ZGRF1: variants seen among roughly 807,000 people sequenced by gnomAD.
ZGRF1 encodes zinc finger GRF-type containing 1.
In ZGRF1, 196 loss-of-function variants were observed where a neutral mutation model predicts 203.5. That is an observed-to-expected ratio of 0.96 (90% CI 0.86 to 1.08). The LOEUF (loss-of-function observed/expected upper bound fraction) is 1.08. ZGRF1 is among the 50% of genes least tolerant of loss of function. The pLI is 0.00. For missense variants in ZGRF1, 2,326 were observed against 2,416.3 expected (o/e 0.96, Z 0.78); for synonymous variants, 809 against 841.3 (o/e 0.96, Z 0.66).
intron 10 of ZGRF1, among the ~76,000 whole-genome samples, chr4:112,596,950 A>G (rs955781411): frequency 2.6e-5 from 4 of 151,988 alleles, no homozygotes; most frequent in Admixed American, 2.6e-4. Flanking sequence ...ACAGCAGTTC[A>G]TGCCTGTAAT....
rs1302296890 is a variant in ZGRF1 at position 112,603,640 on chromosome 4, T to C, written c.2860A>G (p.Arg954Gly). The change falls in exon 10 of 28, where the codon AGA becomes GGA. Residue 954 changes from arginine to glycine, a missense_variant. Arg to Gly is a moderately radical substitution (Grantham distance 125, BLOSUM62 -2). Transcript: ENST00000505019. ...KGSATSGVMV[R>G]GHSSQLGCSQ... ...CATCCTAGCTGTGAGCTGTGTCCTC[T>C]GACCATTACACCACTAGTAGCTGAT... 2 of 1,614,086 alleles carry C rather than the reference T, an allele frequency of 1.2e-6. No individual in the cohort carries two copies.
intron 20 of ZGRF1, among the ~76,000 whole-genome samples, chr4:112,557,140 T>G (rs1186865006): frequency 6.6e-6 from 1 of 152,022 alleles, no homozygotes; most frequent in Non-Finnish European, 1.5e-5. Context: ...CTATAACTAC[T>G]GATTCTGGAA....
rs376609063 is a variant in ZGRF1 at position 112,592,514 on chromosome 4, C to T, written c.2977-2640G>A. Reference sequence around the variant, plus strand: ...AATGAAATGGACATATTTCTGTCCTCATTTTATTGGATGTCTCAATAATAA... The same window carrying T: ...AATGAAATGGACATATTTCTGTCCTTATTTTATTGGATGTCTCAATAATAA... On this transcript the variant is annotated intron_variant, in intron 10 of 27. Coordinates refer to ENST00000505019, the MANE Select transcript of ZGRF1 (RefSeq NM_018392.5). Among the ~76,000 whole-genome samples the T allele has an allele frequency of 2.1e-3, 314 of 152,324 alleles. 2 individuals carry two copies. The highest frequency in any genetic ancestry group is 0.02 in the South Asian group (95 of 4,832).
At chr4:112,557,132 A>G (rs1741081626) in intron 20 of ZGRF1, among the ~76,000 whole-genome samples, 1 of 152,044 alleles carries the variant, frequency 6.6e-6, no homozygotes, top group Non-Finnish European at 1.5e-5. Flanking sequence ...AGACTAATCT[A>G]TAACTACTGA....
chr4:112,592,717 A>G (rs1748385603), intron 10 of ZGRF1, among the ~76,000 whole-genome samples: 1 of 152,136 alleles, frequency 6.6e-6, no homozygotes, highest in Non-Finnish European at 1.5e-5. Context: ...TAGCATCTCT[A>G]TTTGATGGTT....
Position 112,560,831 on chromosome 4 carries a change from G to A in ZGRF1, c.4862C>T (p.Thr1621Ile), listed in dbSNP as rs1288822945. ...CATTTGAGCTATTTGAATTAGAGCTGTAGCTTGATCCTTGTTTAACTTGTG... is the reference window on the plus strand; with the variant it reads ...CATTTGAGCTATTTGAATTAGAGCTATAGCTTGATCCTTGTTTAACTTGTG... ...QVHKLNKDQATALIQIAQMMA... is the reference protein window; with the variant it reads ...QVHKLNKDQAIALIQIAQMMA... The change falls in exon 19 of 28, where the codon ACA (threonine) becomes ATA (isoleucine). Residue 1621 changes from threonine (T) to isoleucine (I), a missense_variant. Coordinates refer to ENST00000505019, the MANE Select transcript of ZGRF1 (RefSeq NM_018392.5). 3 of 1,613,486 alleles carry A rather than the reference G, an allele frequency of 1.9e-6. No homozygotes were observed. Among genetic ancestry groups the A allele is most frequent in the Non-Finnish European group, 2.5e-6 (3 of 1,179,620 alleles).
intron 23 of ZGRF1, among the ~76,000 whole-genome samples, chr4:112,547,661 T>C (rs1399658837): frequency 6.6e-6 from 1 of 152,206 alleles, no homozygotes; most frequent in Non-Finnish European, 1.5e-5. Context: ...CTGCATGGAA[T>C]TAATATTTCA....
intron 1 of ZGRF1, among the ~76,000 whole-genome samples, chr4:112,634,248 G>A (rs1237514478): frequency 6.6e-6 from 1 of 152,166 alleles, no homozygotes; most frequent in Non-Finnish European, 1.5e-5. Context: ...AATAAGGCAG[G>A]AATAAGCACA....
chr4:112,567,146 T>C (rs1430543399), intron 16 of ZGRF1, among the ~76,000 whole-genome samples: 1 of 152,150 alleles, frequency 6.6e-6, no homozygotes, highest in Non-Finnish European at 1.5e-5. Context: ...ACTTTAGGGA[T>C]TGTTCTGCAG....
In ZGRF1 at chr4:112,628,509, T is replaced by C. The variant is rs151072738; in HGVS notation, c.102+3421A>G. On this transcript the variant is annotated intron_variant, in intron 3 of 27. Transcript: ENST00000505019. ...CTTATTCAGTGGAAGATGAATAACT[T>C]TGACAGAATTTAGATAGAGAAAAGG... is the stretch of plus-strand genomic sequence containing the variant. 2.0e-3 allele frequency: 912 copies of C among 446,292 alleles called. 3 individuals are homozygous for C. The highest frequency in any genetic ancestry group is 4.1e-3 in the Admixed American group (167 of 40,866). 27.6% of individuals were successfully genotyped at this position (446,292 alleles called of 1,614,324 possible). A position where few individuals can be genotyped will look rare whatever the true frequency, so the allele number is the denominator to read the frequency against.
At chr4:112,557,979 G>A (rs6533627) in intron 20 of ZGRF1, among the ~76,000 whole-genome samples, 171 bp downstream of exon 20, 114,524 of 152,144 alleles carry the variant, frequency 0.75, 44,125 homozygotes, top group East Asian at 0.95. Flanking sequence ...CTACTTACAA[G>A]CTAATTAGCC....
chr4:112,555,762 T>C (rs1403742324), intron 20 of ZGRF1, among the ~76,000 whole-genome samples: 2 of 152,142 alleles, frequency 1.3e-5, no homozygotes, highest in Non-Finnish European at 2.9e-5. Context: ...GTTATTTCAG[T>C]GTGAAGAAAT....
At chr4:112,627,910 T>C (rs1455991301) in intron 3 of ZGRF1, among the ~76,000 whole-genome samples, 1 of 152,226 alleles carries the variant, frequency 6.6e-6, no homozygotes, top group Non-Finnish European at 1.5e-5. Flanking sequence ...TTCAGCTATA[T>C]TTAAATGCTT....
chr4:112,571,743 T>C (rs970088772), intron 16 of ZGRF1, among the ~76,000 whole-genome samples: 1 of 152,104 alleles, frequency 6.6e-6, no homozygotes, highest in African/African-American at 2.4e-5. Flanking sequence ...ACAATTCCAA[T>C]TAAGATCCCA....
chr4:112,616,314 G>C (rs1000242687), intron 6 of ZGRF1, among the ~76,000 whole-genome samples: 2 of 151,414 alleles, frequency 1.3e-5, no homozygotes, highest in Non-Finnish European at 2.9e-5. Flanking sequence ...GAGGTCAAGA[G>C]TTCAAGACCA....
chr4:112,557,648 G>A (rs536521141), intron 20 of ZGRF1, among the ~76,000 whole-genome samples: 2 of 152,312 alleles, frequency 1.3e-5, no homozygotes, highest in South Asian at 2.1e-4. Context: ...TGCACATGCC[G>A]TGGGTTGAGG....
intron 22 of ZGRF1, among the ~76,000 whole-genome samples, chr4:112,551,542 A>G (rs763234837): frequency 9.2e-5 from 14 of 152,200 alleles, no homozygotes; most frequent in Non-Finnish European, 1.6e-4. Flanking sequence ...AATAATAAAT[A>G]ATATTCACCA....
chr4:112,577,090 C>T lies in ZGRF1; in HGVS notation c.4438+4573G>A, dbSNP rs1432944650. Among the ~76,000 whole-genome samples, 3 of 125,700 alleles carry T rather than the reference C, an allele frequency of 2.4e-5. 1 individual carries two copies. Among genetic ancestry groups the T allele is most frequent in the Admixed American group, 8.9e-5 (1 of 11,272 alleles). 82.5% of individuals were successfully genotyped at this position (125,700 alleles called of 152,430 possible). On this transcript the variant is annotated intron_variant, in intron 16 of 27. Transcript: ENST00000505019. ...CTAACAGCTGATCTCTCAGCAGAAA[C>T]TGTACAAGCCAGAAGAAAGTGGGGG...
At chr4:112,550,093 G>A (rs1362955142) in intron 22 of ZGRF1, among the ~76,000 whole-genome samples, 1 of 152,104 alleles carries the variant, frequency 6.6e-6, no homozygotes, top group Admixed American at 6.5e-5. Flanking sequence ...TTGGGAGGCT[G>A]AGGCAGGAGA....
Sources: allele counts gnomAD v4.1 joint callset (sites outside exome capture counted in the v4.1 genomes callset), GRCh38; gene constraint gnomAD v4.1.1; transcripts MANE v1.5; gene names NCBI Gene and HGNC (gene_info 2026-07-23, HGNC 2026-07-21).